Variants in SETD3 observed in about 807,000 individuals in gnomAD.
The protein encoded by SETD3 is actin-histidine N-methyltransferase.
SETD3 carries 19 observed loss-of-function variants against 63.0 expected under a neutral mutation model. The observed-to-expected ratio is 0.30, with a 90% CI of 0.21 to 0.44. SETD3 has a LOEUF of 0.44. Ranked by LOEUF, SETD3 falls within the 20% of genes least tolerant of loss-of-function variation. The probability of loss-of-function intolerance (pLI) is 1.00; values close to 1 mark genes in which losing one functional copy is unlikely to be tolerated. For synonymous variants in SETD3, 286 were observed against 264.1 expected, an observed-to-expected ratio of 1.08 and a Z score of -0.80; for missense variants, 587 against 728.5, an observed-to-expected ratio of 0.81 and a Z score of 2.24.
intron 12 of SETD3, among the ~76,000 whole-genome samples, chr14:99,399,398 C>A (rs1891258416): frequency 6.6e-6 from 1 of 152,106 alleles, no homozygotes; most frequent in Non-Finnish European, 1.5e-5. Flanking sequence ...ACCCCATCTG[C>A]CAGGGAACTT....
chr14:99,428,578 G>A (rs762465929), intron 6 of SETD3, among the ~76,000 whole-genome samples: 3 of 152,098 alleles, frequency 2.0e-5, no homozygotes, highest in Non-Finnish European at 4.4e-5. Flanking sequence ...CCAAGGAGGT[G>A]GAGTTTGCAG....
At chr14:99,483,071 C>T (rs901603679), upstream of SETD3, among the ~76,000 whole-genome samples, 5 of 152,160 alleles carry the variant, frequency 3.3e-5, no homozygotes, top group African/African-American at 1.2e-4. Flanking sequence ...CCTAAAAGTA[C>T]AGTTAATGAT....
chr14:99,437,465 T>C (rs1181432515), intron 6 of SETD3, among the ~76,000 whole-genome samples: 1 of 152,250 alleles, frequency 6.6e-6, no homozygotes, highest in African/African-American at 2.4e-5. Flanking sequence ...GATTACATTA[T>C]ATACTGCATT....
In SETD3 at chr14:99,397,842, G is replaced by A. The variant is rs1891175683; in HGVS notation, c.*837C>T. On this transcript the variant is annotated 3_prime_UTR_variant, in exon 13 of 13. Coordinates refer to ENST00000331768, the MANE Select transcript of SETD3 (RefSeq NM_032233.3). ...TGAAAACCAGGAAAGCCAAGGAGCT[G>A]CCTCACACTGCACACCACCACGTGA... 1 of 152,582 alleles carries A rather than the reference G, an allele frequency of 6.6e-6. No homozygotes were observed. Among genetic ancestry groups the A allele is most frequent in the Admixed American group, 6.5e-5 (1 of 15,286 alleles). The allele number at this position is 152,582 out of a possible 1,614,324, so 9.5% of individuals were successfully genotyped here.
intron 11 of SETD3, among the ~76,000 whole-genome samples, chr14:99,403,197 T>A (rs1297546603): frequency 6.6e-6 from 1 of 152,158 alleles, no homozygotes; most frequent in East Asian, 1.9e-4. Context: ...CGTCAAACCC[T>A]GGACTTGTGC....
intron 1 of SETD3, among the ~76,000 whole-genome samples, chr14:99,477,893 C>T (rs1896057998): frequency 6.6e-6 from 1 of 151,844 alleles, no homozygotes; most frequent in Admixed American, 6.6e-5. Flanking sequence ...GTTAACCTCT[C>T]CAATTTATGA....
intron 1 of SETD3, among the ~76,000 whole-genome samples, chr14:99,477,258 T>A (rs960523294): frequency 6.6e-6 from 1 of 152,252 alleles, no homozygotes; most frequent in Non-Finnish European, 1.5e-5. Context: ...TTTTCTTCCA[T>A]TCAAATTTAT....
In SETD3 at chr14:99,465,695, G is replaced by A. The variant is rs201325466; in HGVS notation, c.103+8C>T. 1.9e-6 allele frequency: 3 copies of A among 1,610,114 alleles called. No homozygotes were observed. The highest frequency in any genetic ancestry group is 2.2e-5 in the East Asian group (1 of 44,842). On this transcript the variant is annotated splice_region_variant and intron_variant, in intron 2 of 12. Transcript: ENST00000331768. The stretch of plus-strand genomic sequence containing the variant: ...ATCAAGGCAGGGAGAGCCCAGAGGA[G>A]GACTTACTCTGCAGCAGCTCACTGG...
chr14:99,462,304 T>C (rs948897042), intron 3 of SETD3, among the ~76,000 whole-genome samples: 7 of 152,160 alleles, frequency 4.6e-5, no homozygotes, highest in Non-Finnish European at 8.8e-5. Context: ...AAGACATGCA[T>C]AGAAAAAACT....
At chr14:99,480,517 G>A (rs1896240948) in intron 1 of SETD3, among the ~76,000 whole-genome samples, 1 of 150,914 alleles carries the variant, frequency 6.6e-6, no homozygotes, top group Admixed American at 6.6e-5. Flanking sequence ...CTCCGACCCC[G>A]CCGGGCCCTC....
At chr14:99,463,058 TGACCACACCTC>T (rs1895162569) in intron 3 of SETD3, among the ~76,000 whole-genome samples, 1 of 152,210 alleles carries the variant, frequency 6.6e-6, no homozygotes, top group Non-Finnish European at 1.5e-5. Context: ...TTAAGGAATA[TGACCACACCTC>T]TTATTTAACT....
intron 1 of SETD3, chr14:99,478,785 A>G (rs1454858672): frequency 1.3e-5 from 2 of 152,210 alleles, no homozygotes; most frequent in African/African-American, 4.8e-5. Flanking sequence ...GCAGGAGAGT[A>G]CTGTGTTCCA....
chr14:99,434,716 G>A (rs1024259428), intron 6 of SETD3, among the ~76,000 whole-genome samples: 11 of 151,756 alleles, frequency 7.2e-5, no homozygotes, highest in Non-Finnish European at 1.0e-4. Context: ...GCGTGGTGGC[G>A]CAAGCCTGTA....
intron 6 of SETD3, among the ~76,000 whole-genome samples, chr14:99,439,064 T>C (rs1893644897): frequency 6.6e-6 from 1 of 152,234 alleles, no homozygotes; most frequent in Non-Finnish European, 1.5e-5. Context: ...CTTCAGCACG[T>C]ATCACACAAA....
chr14:99,414,191 C>T (rs762374042), intron 6 of SETD3, among the ~76,000 whole-genome samples: 2 of 152,234 alleles, frequency 1.3e-5, no homozygotes, highest in Non-Finnish European at 2.9e-5. Context: ...ACAGACAACG[C>T]GCAAAACACA....
chr14:99,419,221 A>G (rs1034697439), intron 6 of SETD3, among the ~76,000 whole-genome samples: 16 of 152,214 alleles, frequency 1.1e-4, no homozygotes, highest in African/African-American at 3.9e-4. Flanking sequence ...TAAAAATTTA[A>G]ATACATCAAT....
chr14:99,419,784 A>AC (rs1230980640), intron 6 of SETD3, among the ~76,000 whole-genome samples: 20 of 141,930 alleles, frequency 1.4e-4, no homozygotes, highest in African/African-American at 6.0e-4. Context: ...CAAAAAAAAA[A>AC]ACAAAAAAAA....
chr14:99,403,680 G>A (rs572674503), intron 11 of SETD3, among the ~76,000 whole-genome samples: 2 of 152,312 alleles, frequency 1.3e-5, no homozygotes, highest in Admixed American at 1.3e-4. Context: ...ATAAGAGGCT[G>A]TAGCCAGGAA....
At chr14:99,408,324 G>A (rs914603698) in intron 8 of SETD3, among the ~76,000 whole-genome samples, 2 of 152,098 alleles carry the variant, frequency 1.3e-5, no homozygotes, top group Non-Finnish European at 1.5e-5. Flanking sequence ...CATTTCACTC[G>A]CAGAACATTT....
Sources: gnomAD v4.1 joint callset for allele counts (sites outside exome capture counted in the v4.1 genomes callset) on GRCh38, gnomAD v4.1.1 for gene constraint, MANE v1.5 for transcripts, NCBI Gene and HGNC (gene_info 2026-07-23, HGNC 2026-07-21) for gene names.